CCSER1: variants seen among roughly 807,000 people sequenced by gnomAD.
The protein encoded by CCSER1 is serine-rich coiled-coil domain-containing protein 1.
A neutral mutation model predicts 82.0 loss-of-function variants in CCSER1; 41 were observed. That is an observed-to-expected ratio of 0.50 (90% CI 0.39 to 0.65). The LOEUF (loss-of-function observed/expected upper bound fraction) is 0.65. CCSER1 is among the 30% of genes least tolerant of loss of function. The pLI is 0.00. For missense variants in CCSER1, 1,119 were observed against 1,064.2 expected (o/e 1.05, Z -0.72); for synonymous variants, 414 against 383.9 (o/e 1.08, Z -0.92).
intron 10 of CCSER1, among the ~76,000 whole-genome samples, chr4:91,473,324 C>T (rs2149446070): frequency 6.6e-6 from 1 of 152,278 alleles, no homozygotes; most frequent in East Asian, 1.9e-4. Flanking sequence ...TGCCATGAAG[C>T]AGCTCTTTGC....
chr4:90,396,089 A>AAAAC (rs986153204), intron 3 of CCSER1, among the ~76,000 whole-genome samples: 3 of 152,102 alleles, frequency 2.0e-5, no homozygotes, highest in Non-Finnish European at 2.9e-5. Context: ...TCGAAAAACA[A>AAAAC]AAACAAACAA....
At chr4:90,405,081 A>C (rs1420901757) in intron 4 of CCSER1, among the ~76,000 whole-genome samples, 1 of 152,180 alleles carries the variant, frequency 6.6e-6, no homozygotes, top group Non-Finnish European at 1.5e-5. Flanking sequence ...GCACCAGAGA[A>C]AGGTGAAGTC....
chr4:91,546,492 A>C (rs1761895871), intron 10 of CCSER1, among the ~76,000 whole-genome samples: 1 of 152,022 alleles, frequency 6.6e-6, no homozygotes, highest in South Asian at 2.1e-4. Flanking sequence ...CAATTAATTG[A>C]TCCATTTCAT....
chr4:90,846,294 A>G (rs1763228221), intron 8 of CCSER1, among the ~76,000 whole-genome samples: 1 of 152,236 alleles, frequency 6.6e-6, no homozygotes, highest in Admixed American at 6.5e-5. Context: ...AAATGCATTA[A>G]TGTACAACCA....
At chr4:91,042,974 T>C (rs1215471495) in intron 9 of CCSER1, among the ~76,000 whole-genome samples, 1 of 152,154 alleles carries the variant, frequency 6.6e-6, no homozygotes, top group Non-Finnish European at 1.5e-5. Flanking sequence ...TTGCCTACAT[T>C]CAGCCACCCC....
At chr4:90,963,827 T>C (rs1734276694) in intron 9 of CCSER1, among the ~76,000 whole-genome samples, 1 of 152,226 alleles carries the variant, frequency 6.6e-6, no homozygotes, top group African/African-American at 2.4e-5. Context: ...TATTGCCTTA[T>C]GATCTATTGA....
intron 7 of CCSER1, among the ~76,000 whole-genome samples, chr4:90,733,473 G>A (rs896028065): frequency 4.6e-5 from 7 of 151,924 alleles, no homozygotes; most frequent in South Asian, 2.1e-4. Context: ...ATTTTCTCCC[G>A]TTCTGTGAGT....
chr4:90,531,502 C>G (rs1322793111), intron 5 of CCSER1, among the ~76,000 whole-genome samples: 1 of 150,700 alleles, frequency 6.6e-6, no homozygotes, highest in Non-Finnish European at 1.5e-5. Flanking sequence ...ATTTATTTTA[C>G]AAGTCCATTT....
chr4:90,358,197 TTTTG>T (rs1477739116), intron 3 of CCSER1, among the ~76,000 whole-genome samples: 22 of 152,096 alleles, frequency 1.4e-4, no homozygotes, highest in Non-Finnish European at 2.5e-4. Flanking sequence ...ATGGTGATTT[TTTTG>T]TTTATCTATT....
At chr4:91,460,556 G>T (rs561703781) in intron 10 of CCSER1, among the ~76,000 whole-genome samples, 1 of 152,098 alleles carries the variant, frequency 6.6e-6, no homozygotes, top group Non-Finnish European at 1.5e-5. Context: ...CTGAGTCTTG[G>T]TGATGATGGT....
chr4:91,241,767 T>C (rs1489431578), intron 10 of CCSER1, among the ~76,000 whole-genome samples: 1 of 151,420 alleles, frequency 6.6e-6, no homozygotes, highest in South Asian at 2.1e-4. Flanking sequence ...CATTTACATT[T>C]TGTAAAATAA....
At chr4:91,402,102 G>C (rs1302523595) in intron 10 of CCSER1, among the ~76,000 whole-genome samples, 1 of 152,200 alleles carries the variant, frequency 6.6e-6, no homozygotes, top group Non-Finnish European at 1.5e-5. Flanking sequence ...ACTGGTGTGA[G>C]ATGGTATCTC....
At chr4:90,827,697 A>G (rs1176311550) in intron 8 of CCSER1, among the ~76,000 whole-genome samples, 1 of 152,148 alleles carries the variant, frequency 6.6e-6, no homozygotes, top group Non-Finnish European at 1.5e-5. Context: ...AAAAGAGAAC[A>G]ATTTGAGCAT....
chr4:90,960,494 C>A (rs1341680142), intron 9 of CCSER1, among the ~76,000 whole-genome samples: 2 of 152,152 alleles, frequency 1.3e-5, no homozygotes, highest in Non-Finnish European at 2.9e-5. Context: ...ACCTCAACTG[C>A]ACCTCAATTC....
chr4:91,092,641 G>T (rs934173597), intron 10 of CCSER1, among the ~76,000 whole-genome samples: 1 of 152,216 alleles, frequency 6.6e-6, no homozygotes, highest in African/African-American at 2.4e-5. Flanking sequence ...GTAGTTTCAT[G>T]TACAGCCAGC....
chr4:91,090,101 C>G (rs1357887848), intron 10 of CCSER1, among the ~76,000 whole-genome samples: 1 of 152,152 alleles, frequency 6.6e-6, no homozygotes, highest in Non-Finnish European at 1.5e-5. Flanking sequence ...ATCTTGTGCC[C>G]AAGTGGTGGG....
chr4:91,329,081 TCA>T (rs1209618085), intron 10 of CCSER1, among the ~76,000 whole-genome samples: 1 of 152,210 alleles, frequency 6.6e-6, no homozygotes, highest in Non-Finnish European at 1.5e-5. Context: ...TTACCCAGTC[TCA>T]GTTTTATCTT....
At chr4:91,557,073 G>A (rs568934360) in intron 10 of CCSER1, among the ~76,000 whole-genome samples, 1 of 150,714 alleles carries the variant, frequency 6.6e-6, no homozygotes, top group Admixed American at 6.6e-5. Flanking sequence ...TTAGAATAAT[G>A]TAGGGAAAGG....
At chr4:91,164,290 G>T (rs188767741) in intron 10 of CCSER1, among the ~76,000 whole-genome samples, 50 of 152,312 alleles carry the variant, frequency 3.3e-4, no homozygotes, top group African/African-American at 1.1e-3. Context: ...GGTTTCTGCT[G>T]AGGGATCTAC....
Sources: allele counts gnomAD v4.1 joint callset (sites outside exome capture counted in the v4.1 genomes callset), GRCh38; gene constraint gnomAD v4.1.1; transcripts MANE v1.5; gene names NCBI Gene and HGNC (gene_info 2026-07-23, HGNC 2026-07-21).